The following CTNNA3 variants were observed in gnomAD, a reference collection of about 807,000 sequenced individuals.
CTNNA3 encodes the protein catenin alpha-3.
A neutral mutation model predicts 95.7 loss-of-function variants in CTNNA3; 76 were observed. The ratio of observed to expected loss-of-function variants is 0.79; its 90% CI spans 0.66 to 0.96. CTNNA3 has a LOEUF of 0.96. Ranked by LOEUF, CTNNA3 falls within the 40% of genes least tolerant of loss-of-function variation. The pLI is 0.00. For synonymous variants in CTNNA3, 431 were observed against 374.4 expected, an observed-to-expected ratio of 1.15 and a Z score of -1.74; for missense variants, 1,191 against 1,089.8, an observed-to-expected ratio of 1.09 and a Z score of -1.31.
intron 7 of CTNNA3, among the ~76,000 whole-genome samples, chr10:66,851,746 GCAGATGTCCAGTGCCATGTTTCCCGTA>G (rs1759978194): frequency 6.6e-6 from 1 of 151,950 alleles, no homozygotes; most frequent in African/African-American, 2.4e-5. Context: ...CAGAAGCTGA[GCAGATGTCCAGTGCCATGTTTCCCGTA>G]CAGCCTGCAG....
chr10:67,230,349 G>C (rs899265634), intron 5 of CTNNA3, among the ~76,000 whole-genome samples: 1 of 152,060 alleles, frequency 6.6e-6, no homozygotes, highest in African/African-American at 2.4e-5. Context: ...TTAAATCTAA[G>C]ACCTGAAATT....
intron 5 of CTNNA3, among the ~76,000 whole-genome samples, chr10:67,386,061 A>G (rs1006221020): frequency 1.3e-5 from 2 of 152,178 alleles, no homozygotes; most frequent in African/African-American, 4.8e-5. Context: ...TGAAATGCAT[A>G]AAAAGGCACT....
intron 3 of CTNNA3, among the ~76,000 whole-genome samples, chr10:67,563,837 TG>T (rs1193216300): frequency 6.7e-6 from 1 of 150,000 alleles, no homozygotes; most frequent in African/African-American, 2.5e-5. Context: ...GCAAAGGATA[TG>T]AACAGACACT....
Position 66,211,761 on chromosome 10 carries a change from T to C in CTNNA3, c.1884+68709A>G, listed in dbSNP as rs527822265. Among the ~76,000 whole-genome samples, 5 of 152,084 alleles carry C rather than the reference T, an allele frequency of 3.3e-5. No individual in the cohort carries two copies. The South Asian group carries it at 8.3e-4, about 25-fold the overall frequency. ...TAAGAGGTGGAGTTTACTGTGGGAG[T>C]CCACGATGATGGGGAACACCAAACA... On this transcript the variant is annotated intron_variant, in intron 13 of 17. Coordinates refer to ENST00000433211, the MANE Select transcript of CTNNA3 (RefSeq NM_013266.4).
chr10:67,484,893 G>T (rs1265524332), intron 5 of CTNNA3, among the ~76,000 whole-genome samples: 2 of 152,188 alleles, frequency 1.3e-5, no homozygotes, highest in African/African-American at 4.8e-5. Context: ...TTCAACCCCT[G>T]TGGAAAGGAG....
At chr10:67,106,734 G>A (rs189959330) in intron 7 of CTNNA3, among the ~76,000 whole-genome samples, 59 of 152,170 alleles carry the variant, frequency 3.9e-4, no homozygotes, top group Admixed American at 2.3e-3. Context: ...CTCATTTAAG[G>A]TCCACTGTAT....
intron 12 of CTNNA3, among the ~76,000 whole-genome samples, chr10:66,378,598 T>G (rs2092812205): frequency 6.6e-6 from 1 of 152,226 alleles, no homozygotes; most frequent in Non-Finnish European, 1.5e-5. Flanking sequence ...ATTTGCTGGC[T>G]GGTTTTTCGA....
intron 7 of CTNNA3, among the ~76,000 whole-genome samples, chr10:66,987,740 A>C (rs185387941): frequency 6.6e-6 from 1 of 152,334 alleles, no homozygotes; most frequent in Admixed American, 6.5e-5. Context: ...GCAAAATAAA[A>C]ATTATGAACT....
chr10:66,052,230 T>G (rs1023434800), intron 15 of CTNNA3, among the ~76,000 whole-genome samples: 1 of 152,182 alleles, frequency 6.6e-6, no homozygotes, highest in Non-Finnish European at 1.5e-5. Context: ...AATATTTGTA[T>G]AGTTGCACCC....
chr10:67,432,974 T>G (rs756756694), intron 5 of CTNNA3, among the ~76,000 whole-genome samples: 1 of 152,114 alleles, frequency 6.6e-6, no homozygotes, highest in Non-Finnish European at 1.5e-5. Flanking sequence ...TTTTTAAATA[T>G]TTGATAGAAT....
At chr10:66,638,612 C>G (rs569247496) in intron 9 of CTNNA3, among the ~76,000 whole-genome samples, 2 of 152,210 alleles carry the variant, frequency 1.3e-5, no homozygotes, top group South Asian at 4.2e-4. Context: ...CATTCATCTT[C>G]CACATCCTCT....
intron 16 of CTNNA3, among the ~76,000 whole-genome samples, chr10:65,968,626 A>G (rs2078027738): frequency 6.6e-6 from 1 of 152,124 alleles, no homozygotes; most frequent in South Asian, 2.1e-4. Flanking sequence ...CCAGGTATTC[A>G]AAGTACATGT....
At chr10:66,291,855 CAT>C (rs1026715795) in intron 12 of CTNNA3, among the ~76,000 whole-genome samples, 3 of 150,830 alleles carry the variant, frequency 2.0e-5, no homozygotes, top group African/African-American at 7.3e-5. Context: ...TATGTGTATG[CAT>C]ATATATGTGT....
intron 12 of CTNNA3, among the ~76,000 whole-genome samples, chr10:66,295,498 T>G (rs1165362556): frequency 1.3e-5 from 2 of 152,146 alleles, no homozygotes; most frequent in Admixed American, 1.3e-4. Context: ...TTGTAGGACA[T>G]GGTAGGTGAT....
intron 10 of CTNNA3, among the ~76,000 whole-genome samples, chr10:66,566,491 T>G (rs35789926): frequency 0.027 from 4,153 of 152,342 alleles, 234 homozygotes; most frequent in East Asian, 0.22. Flanking sequence ...GTCTGAAGTA[T>G]TCAAACAATT....
At chr10:66,525,096 CA>C (rs1378538948) in intron 10 of CTNNA3, among the ~76,000 whole-genome samples, 2 of 151,550 alleles carry the variant, frequency 1.3e-5, no homozygotes, top group Non-Finnish European at 2.9e-5. Flanking sequence ...CAAAAATAAA[CA>C]GGCAAAAGCA....
chr10:66,857,576 G>C (rs553676246), intron 7 of CTNNA3, among the ~76,000 whole-genome samples: 2 of 151,814 alleles, frequency 1.3e-5, no homozygotes, highest in Non-Finnish European at 2.9e-5. Context: ...TGTCATCTTT[G>C]ATTTCTTTAA....
At chr10:66,476,519 G>GT (rs1382551732) in intron 11 of CTNNA3, among the ~76,000 whole-genome samples, 2 of 151,902 alleles carry the variant, frequency 1.3e-5, no homozygotes, top group African/African-American at 4.8e-5. Flanking sequence ...AGGCAATTGA[G>GT]TTTTTTCTAA....
At chr10:66,507,848 T>C (rs1840506553) in intron 11 of CTNNA3, among the ~76,000 whole-genome samples, 1 of 152,150 alleles carries the variant, frequency 6.6e-6, no homozygotes, top group Admixed American at 6.6e-5. Flanking sequence ...CTGACTTCCT[T>C]TCCTTTGGAT....
Sources: gnomAD v4.1 joint callset for allele counts (sites outside exome capture counted in the v4.1 genomes callset) on GRCh38, gnomAD v4.1.1 for gene constraint, MANE v1.5 for transcripts, NCBI Gene and HGNC (gene_info 2026-07-23, HGNC 2026-07-21) for gene names.